Variants in TKFC observed in about 807,000 individuals in gnomAD.
TKFC encodes triokinase and FMN cyclase, also known as triokinase/FMN cyclase.
A neutral mutation model predicts 61.0 loss-of-function variants in TKFC; 46 were observed. The observed-to-expected ratio is 0.75, with a 90% CI of 0.60 to 0.96. The LOEUF (loss-of-function observed/expected upper bound fraction) is 0.96. Ranked by LOEUF, TKFC falls within the 50% of genes least tolerant of loss-of-function variation. TKFC has a pLI of 0.00. For missense variants in TKFC, 715 were observed against 777.5 expected (o/e 0.92, Z 0.96); for synonymous variants, 314 against 330.1 (o/e 0.95, Z 0.53).
downstream of TKFC, chr11:61,351,045 G>A (rs1473368074): frequency 6.2e-7 from 1 of 1,613,936 alleles, no homozygotes; most frequent in South Asian, 1.1e-5. Flanking sequence ...AAGCCAGAAG[G>A]ATGTAGAGCA....
At position 61,345,376 on chromosome 11, in the gene TKFC, T is replaced by C; in HGVS notation, c.1347+10T>C. 1 of 1,599,440 alleles carries C rather than the reference T, an allele frequency of 6.3e-7. No homozygotes were observed. Among genetic ancestry groups the C allele is most frequent in the Non-Finnish European group, 8.6e-7 (1 of 1,169,004 alleles). ...AGGCTCATCTGGGGCGGTGGGTGCC[T>C]GGGGGCTGAAGGGCTGACAGGGAGG... On this transcript the variant is annotated intron_variant, in intron 14 of 17. Transcript: ENST00000394900.
At chr11:61,337,889 G>C (rs1455164542) in intron 2 of TKFC, 52 bp from the exon 3 acceptor site, 10 of 1,497,058 alleles carry the variant, frequency 6.7e-6, no homozygotes, top group African/African-American at 1.4e-5. Flanking sequence ...GCGCAGGATG[G>C]GGGTATCTGT....
chr11:61,342,633 C>T lies in TKFC; in HGVS notation c.750C>T (p.Asn250=), dbSNP rs746419697. Residue 250 remains asparagine, a synonymous_variant, in exon 9 of 18, where the codon AAC becomes AAT. Coordinates refer to ENST00000394900, the MANE Select transcript of TKFC (RefSeq NM_015533.4). ...LMLDHMTNTT[N]ASHVPVQPGS... ...TCGACCACATGACAAACACCACCAA[C>T]GCGTCCCATGTGCCTGTGCAGCCCG... The T allele has an allele frequency of 9.3e-6, 15 of 1,613,986 alleles. No homozygotes were observed. The highest frequency in any genetic ancestry group is 5.0e-5 in the Admixed American group (3 of 60,016).
At chr11:61,351,971 TC>T (rs1857433780), downstream of TKFC, 1 of 152,154 alleles carries the variant, frequency 6.6e-6, no homozygotes, top group South Asian at 2.1e-4. Context: ...CAGGCTGGAC[TC>T]CTTCCACCTC....
intron 1 of TKFC, 54 bp downstream of exon 1, chr11:61,333,383 C>T (rs965852117): frequency 6.2e-6 from 1 of 160,864 alleles, no homozygotes; most frequent in Non-Finnish European, 1.4e-5. Context: ...GTTCCGCGCC[C>T]TTTGCCCTTC....
At position 61,348,589 on chromosome 11, in the gene TKFC, G is replaced by C; in HGVS notation, c.*2086G>C. The C allele has an allele frequency of 2.6e-6, 2 of 763,394 alleles. No individual in the cohort carries two copies. Among genetic ancestry groups the C allele is most frequent in the Non-Finnish European group, 1.6e-6 (1 of 626,844 alleles). The allele number at this position is 763,394 out of a possible 1,614,324, so 47.3% of individuals were successfully genotyped here. A position where few individuals can be genotyped will look rare whatever the true frequency, so the allele number is the denominator to read the frequency against. On this transcript the variant is annotated 3_prime_UTR_variant, in exon 18 of 18. Coordinates refer to ENST00000394900, the MANE Select transcript of TKFC (RefSeq NM_015533.4). ...GGCCTTTGGGAGGTGATGGGGTTAT[G>C]AGGGTGGAGCCCCAGAGAGCTCTCA...
downstream of TKFC, chr11:61,350,984 C>A: frequency 3.1e-6 from 5 of 1,612,130 alleles, no homozygotes; most frequent in Non-Finnish European, 4.2e-6. Flanking sequence ...GGGACTGGAA[C>A]CCATACCTGT....
In TKFC at chr11:61,337,847, G is replaced by A. The variant is rs182076606; in HGVS notation, c.4-94G>A. The A allele has an allele frequency of 2.1e-4, 262 of 1,237,298 alleles. No homozygotes were observed. The African/African-American group carries it at 3.2e-3, about 15-fold the overall frequency. The allele number at this position is 1,237,298 out of a possible 1,614,324, so 76.6% of individuals were successfully genotyped here. A position where few individuals can be genotyped will look rare whatever the true frequency, so the allele number is the denominator to read the frequency against. On this transcript the variant is annotated intron_variant, in intron 2 of 17. Transcript: ENST00000394900. ...GCTCCTGGAGTTCCTAGGTGGATGC[G>A]GGAGAGGGGTCTACACCACAGCAGT...
intron 6 of TKFC, 81 bp from the exon 7 acceptor site, chr11:61,341,739 GGCC>G: frequency 1.5e-6 from 2 of 1,378,302 alleles, no homozygotes; most frequent in Non-Finnish European, 2.1e-6. Flanking sequence ...CTGTGGGCAG[GGCC>G]TCTGAGATGC....
downstream of TKFC, chr11:61,349,308 C>G (rs7949479): frequency 3.4e-3 from 1,712 of 503,530 alleles, 26 homozygotes; most frequent in African/African-American, 0.03. Context: ...GCAAGGAACC[C>G]CTCTGAAGGT....
intron 5 of TKFC, among the ~76,000 whole-genome samples, chr11:61,341,004 A>C (rs1856826926): frequency 6.6e-6 from 1 of 152,056 alleles, no homozygotes; most frequent in Admixed American, 6.6e-5. Context: ...ACTGTGACTT[A>C]GTCGCCTTTT....
chr11:61,353,166 G>C, downstream of TKFC: 1 of 1,577,554 alleles, frequency 6.3e-7, no homozygotes, highest in Non-Finnish European at 8.6e-7. Flanking sequence ...GGACACACCC[G>C]ACTGTGCTAT....
Position 61,341,506 on chromosome 11 carries a change from A to G in TKFC, c.557A>G (p.Lys186Arg). Reference protein sequence around the residue: ...EIAKQVNVVAKAMGTLGVSLS... With the variant: ...EIAKQVNVVARAMGTLGVSLS... ...GCAAAGCAGGTGAACGTGGTCGCCA[A>G]GGCCATGGGTGAGTGCTGGCCTGGG... The change falls in exon 6 of 18, where the codon AAG (lysine) becomes AGG (arginine). Residue 186 changes from lysine (K) to arginine (R), a missense_variant. Transcript: ENST00000394900. The G allele has an allele frequency of 6.4e-7, 1 of 1,554,688 alleles. No individual in the cohort carries two copies. Among genetic ancestry groups the G allele is most frequent in the South Asian group, 1.2e-5 (1 of 84,348 alleles).
chr11:61,343,824 C>T (rs766975462), intron 11 of TKFC, 32 bp from the exon 12 acceptor site: 17 of 1,592,510 alleles, frequency 1.1e-5, no homozygotes, highest in South Asian at 1.1e-5. Flanking sequence ...GCTGGACAGC[C>T]GTGTCTAAGA....
intron 11 of TKFC, 191 bp downstream of exon 11, chr11:61,343,649 C>T: frequency 1.1e-6 from 1 of 891,452 alleles, no homozygotes; most frequent in Non-Finnish European, 1.7e-6. Flanking sequence ...TTAGGATCCT[C>T]CTCAGAGAGG....
downstream of TKFC, chr11:61,350,278 G>A: frequency 7.5e-7 from 1 of 1,327,738 alleles, no homozygotes; most frequent in Non-Finnish European, 1.0e-6. Flanking sequence ...CAAGAAGTCT[G>A]GGCCCAGCAT....
At chr11:61,352,954 ACC>A (rs769371470), downstream of TKFC, 6 of 1,613,856 alleles carry the variant, frequency 3.7e-6, no homozygotes, top group East Asian at 1.1e-4. Context: ...CCTCCTCTTC[ACC>A]TTAGAGTTGG....
downstream of TKFC, chr11:61,350,283 C>T (rs1857334429): frequency 7.3e-7 from 1 of 1,363,654 alleles, no homozygotes; most frequent in South Asian, 1.3e-5. Context: ...AGTCTGGGCC[C>T]AGCATTGGAA....
At chr11:61,337,309 T>A (rs1183756541) in intron 2 of TKFC, among the ~76,000 whole-genome samples, 2 of 152,108 alleles carry the variant, frequency 1.3e-5, no homozygotes, top group Admixed American at 1.3e-4. Context: ...CATGCCTGGA[T>A]CATTTTTCAT....
Sources: allele counts gnomAD v4.1 joint callset (sites outside exome capture counted in the v4.1 genomes callset), GRCh38; gene constraint gnomAD v4.1.1; transcripts MANE v1.5; gene names NCBI Gene and HGNC (gene_info 2026-07-23, HGNC 2026-07-21).